Variants in AFF2 observed in about 807,000 individuals in gnomAD.
AFF2 encodes the protein AF4/FMR2 family member 2.
AFF2 carries 14 observed loss-of-function variants against 76.9 expected under a neutral mutation model. That is an observed-to-expected ratio of 0.18 (90% confidence interval 0.12 to 0.28). AFF2 has a LOEUF of 0.28. Ranked by LOEUF, AFF2 falls within the 10% of genes least tolerant of loss-of-function variation. The pLI, the probability that AFF2 is intolerant of heterozygous loss-of-function variation, is 1.00. For synonymous variants in AFF2, 398 were observed against 366.7 expected (o/e 1.09, Z -0.98); for missense variants, 868 against 1,001.1 (o/e 0.87, Z 1.79).
chrX:148,596,343 G>A (rs1460889036), intron 1 of AFF2, among the ~76,000 whole-genome samples: 1 of 111,765 alleles, frequency 8.9e-6, no homozygotes, highest in Non-Finnish European at 1.9e-5. Context: ...CAAGAGCGCC[G>A]CCCGCCTCCA....
In AFF2 at chrX:148,540,295, A is replaced by G. The variant is rs530068167; in HGVS notation, c.47+39151A>G. ...ACTGCAAAAGCACAACACCTTCTGCATTCTTAAAATTAAAGGGACAAATTG... is the reference window on the plus strand; with the variant it reads ...ACTGCAAAAGCACAACACCTTCTGCGTTCTTAAAATTAAAGGGACAAATTG... On this transcript the variant is annotated intron_variant, in intron 1 of 20. Coordinates refer to ENST00000370460, the MANE Select transcript of AFF2 (RefSeq NM_002025.4). Among the ~76,000 whole-genome samples the G allele has an allele frequency of 3.3e-4, 37 of 111,173 alleles. 2 individuals are homozygous for G. In the South Asian group the frequency reaches 0.014, roughly 43 times the overall value.
intron 3 of AFF2, among the ~76,000 whole-genome samples, chrX:148,694,942 A>G: frequency 9.4e-6 from 1 of 106,223 alleles, no homozygotes; most frequent in African/African-American, 3.5e-5. Flanking sequence ...CAGCCTCCTG[A>G]GTAGTGGGGA....
chrX:148,566,552 T>C (rs1418610974), intron 1 of AFF2, among the ~76,000 whole-genome samples: 5 of 110,794 alleles, frequency 4.5e-5, no homozygotes, highest in African/African-American at 1.6e-4. Context: ...CCCCCTTAGG[T>C]TCCCCAACTG....
chrX:148,576,932 G>T (rs2053295637), intron 1 of AFF2, among the ~76,000 whole-genome samples: 1 of 111,339 alleles, frequency 9.0e-6, no homozygotes, highest in South Asian at 3.7e-4. Flanking sequence ...TAATTGAAAT[G>T]TTTTCACATG....
chrX:148,704,105 T>C lies in AFF2; in HGVS notation c.1041+41337T>C, dbSNP rs1177348240. Among the ~76,000 whole-genome samples the C allele has an allele frequency of 3.0e-5, 3 of 101,570 alleles. No homozygotes were observed. The East Asian group carries it at 8.8e-4, about 30-fold the overall frequency. The allele number at this position is 101,570 out of a possible 115,157, so 88.2% of individuals were successfully genotyped here. A position where few individuals can be genotyped will look rare whatever the true frequency, so the allele number is the denominator to read the frequency against. On this transcript the variant is annotated intron_variant, in intron 3 of 20. Transcript: ENST00000370460. ...TATGCCTATAATTATATATATATTA[T>C]ATATATATATATTTATATATGCCTA...
In AFF2 at chrX:148,966,994, C is replaced by T; in HGVS notation, c.3118C>T (p.Leu1040=). Residue 1040 remains leucine, a synonymous_variant, in exon 14 of 21, where the codon CTG becomes TTG. Transcript: ENST00000370460. ...TACTGGCCTCATGGATAGCAGTCAC[C>T]TGGAGATGACGTCCTGGGCGGCTCT... ...ITTGLMDSSH[L]EMTSWAALPL... 8.3e-7 allele frequency: 1 copy of T among 1,211,716 alleles called. No homozygotes were observed. The highest frequency in any genetic ancestry group is 1.1e-6 in the Non-Finnish European group (1 of 895,530).
At chrX:148,620,297 G>A (rs782039406) in intron 1 of AFF2, among the ~76,000 whole-genome samples, 1 of 110,922 alleles carries the variant, frequency 9.0e-6, no homozygotes, top group Non-Finnish European at 1.9e-5. Flanking sequence ...TAGGTGGCAG[G>A]GGAGCTGTGT....
At chrX:148,649,323 T>A (rs2054180074) in intron 1 of AFF2, among the ~76,000 whole-genome samples, 1 of 112,092 alleles carries the variant, frequency 8.9e-6, no homozygotes, top group African/African-American at 3.3e-5. Flanking sequence ...CAGTCAGAAA[T>A]CAGTGACGTT....
intron 19 of AFF2, among the ~76,000 whole-genome samples, chrX:148,985,130 G>A (rs782096333): frequency 5.6e-5 from 6 of 107,701 alleles, no homozygotes; most frequent in Admixed American, 3.0e-4. Context: ...GACTACAGGC[G>A]TGTGCCACCA....
At chrX:148,680,994 G>A (rs1557259884) in intron 3 of AFF2, among the ~76,000 whole-genome samples, 1 of 111,688 alleles carries the variant, frequency 9.0e-6, no homozygotes, top group East Asian at 2.8e-4. Context: ...GCTTCCTGAA[G>A]TCAAACTGTG....
At chrX:148,785,143 A>C (rs1204740928) in intron 3 of AFF2, among the ~76,000 whole-genome samples, 6 of 112,302 alleles carry the variant, frequency 5.3e-5, no homozygotes, top group Non-Finnish European at 9.4e-5. Context: ...GCACATATAC[A>C]CAGAGTCACA....
At chrX:148,915,250 A>T (rs1421639752) in intron 9 of AFF2, among the ~76,000 whole-genome samples, 1 of 112,659 alleles carries the variant, frequency 8.9e-6, no homozygotes, top group Non-Finnish European at 1.9e-5. Context: ...GGTATATTAC[A>T]TGTCATTATA....
At chrX:148,737,259 G>A (rs2055295665) in intron 3 of AFF2, among the ~76,000 whole-genome samples, 1 of 111,549 alleles carries the variant, frequency 9.0e-6, no homozygotes, top group South Asian at 3.7e-4. Flanking sequence ...CATGGAATGT[G>A]TTTTCATTTG....
intron 1 of AFF2, among the ~76,000 whole-genome samples, chrX:148,618,262 T>C (rs1323219286): frequency 1.8e-5 from 2 of 111,263 alleles, no homozygotes; most frequent in African/African-American, 3.3e-5. Context: ...CTGCCCAAGA[T>C]TGGGTAATTC....
chrX:148,597,561 C>T (rs1384403117), intron 1 of AFF2, among the ~76,000 whole-genome samples: 1 of 112,163 alleles, frequency 8.9e-6, no homozygotes, highest in African/African-American at 3.2e-5. Context: ...CATGATTAAT[C>T]AAACAAAATA....
chrX:148,897,640 T>C (rs1286496356), intron 8 of AFF2, among the ~76,000 whole-genome samples: 5 of 109,817 alleles, frequency 4.6e-5, no homozygotes. Context: ...GTACCTACTA[T>C]GTACTAATAA....
chrX:148,792,743 T>C (rs1252169283), intron 3 of AFF2, among the ~76,000 whole-genome samples: 2 of 112,268 alleles, frequency 1.8e-5, no homozygotes. Context: ...TATACCACAA[T>C]GCCTAATTAG....
At chrX:148,619,332 T>G (rs782500678) in intron 1 of AFF2, among the ~76,000 whole-genome samples, 5 of 111,633 alleles carry the variant, frequency 4.5e-5, no homozygotes, top group Admixed American at 1.9e-4. Context: ...AGTCTGACTA[T>G]TGAAACAGCA....
At chrX:148,814,948 T>C (rs782257927) in intron 4 of AFF2, among the ~76,000 whole-genome samples, 210 of 111,674 alleles carry the variant, frequency 1.9e-3, no homozygotes, top group African/African-American at 6.6e-3. Flanking sequence ...TTCAGTAGAA[T>C]TTCTTTTATA....
Sources: gnomAD v4.1 joint callset for allele counts (sites outside exome capture counted in the v4.1 genomes callset) on GRCh38, gnomAD v4.1.1 for gene constraint, MANE v1.5 for transcripts, NCBI Gene and HGNC (gene_info 2026-07-23, HGNC 2026-07-21) for gene names.